The following NBAS variants were observed in gnomAD, a reference collection of about 807,000 sequenced individuals.
NBAS encodes the protein NBAS subunit of NRZ tethering complex.
In NBAS, 219 loss-of-function variants were observed where a neutral mutation model predicts 302.5. That is an observed-to-expected ratio of 0.72 (90% CI 0.65 to 0.81). The LOEUF (loss-of-function observed/expected upper bound fraction) is 0.81, where lower values mean the gene tolerates loss of function less well. NBAS is among the 30% of genes least tolerant of loss of function. The pLI, the probability that NBAS is intolerant of heterozygous loss-of-function variation, is 0.00. For synonymous variants in NBAS, 1,118 were observed against 1,021.6 expected (o/e 1.09, Z -1.80); for missense variants, 2,932 against 2,841.6 (o/e 1.03, Z -0.72).
At chr2:14,866,218 A>T in the NBAS span, among the ~76,000 whole-genome samples, 2 of 152,188 alleles carry the variant, frequency 1.3e-5, no homozygotes, top group Admixed American at 1.3e-4. Context: ...CAGTCAGCTT[A>T]ACAGTGCAGG....
chr2:15,442,385 C>G (rs1678473164), intron 21 of NBAS, among the ~76,000 whole-genome samples: 1 of 150,982 alleles, frequency 6.6e-6, no homozygotes, highest in African/African-American at 2.4e-5. Flanking sequence ...AACTGAACAA[C>G]CTGCTCCTGA....
At chr2:14,911,028 C>G in the NBAS span, among the ~76,000 whole-genome samples, 1 of 152,204 alleles carries the variant, frequency 6.6e-6, no homozygotes, top group Non-Finnish European at 1.5e-5. Flanking sequence ...GCAAAATCAA[C>G]TTCTCTTTCC....
intron 44 of NBAS, among the ~76,000 whole-genome samples, chr2:15,242,919 A>AT (rs1667929015): frequency 6.6e-6 from 1 of 152,296 alleles, no homozygotes; most frequent in African/African-American, 2.4e-5. Context: ...AAAAAATGAG[A>AT]TAAAAACATG....
chr2:15,394,444 TAA>T, intron 27 of NBAS, 95 bp from the exon 28 acceptor site: 1 of 1,327,386 alleles, frequency 7.5e-7, no homozygotes. Context: ...TGTTTAGTAT[TAA>T]AAAAAAATTA....
At chr2:14,880,128 T>C in the NBAS span, among the ~76,000 whole-genome samples, 1 of 152,072 alleles carries the variant, frequency 6.6e-6, no homozygotes, top group African/African-American at 2.4e-5. Context: ...CATCTACCCC[T>C]CAAAAGAAAG....
the NBAS span, among the ~76,000 whole-genome samples, chr2:14,812,452 A>C: frequency 2.6e-5 from 4 of 152,216 alleles, no homozygotes; most frequent in Non-Finnish European, 5.9e-5. Context: ...ATCTCTGCTA[A>C]AACACCCTGT....
the NBAS span, among the ~76,000 whole-genome samples, chr2:15,085,756 C>A: frequency 6.6e-6 from 1 of 152,222 alleles, no homozygotes; most frequent in Non-Finnish European, 1.5e-5. Flanking sequence ...CTTCTCCCCA[C>A]TGTGGGCACC....
chr2:15,387,234 A>AT (rs1675347346), intron 28 of NBAS, among the ~76,000 whole-genome samples: 1 of 152,050 alleles, frequency 6.6e-6, no homozygotes, highest in East Asian at 1.9e-4. Flanking sequence ...TGCCTGGCTA[A>AT]TTTTTTGTAT....
rs371651566 is a variant in NBAS, at chr2:15,234,784, T to C, written c.5944-37A>G. On this transcript the variant is annotated intron_variant, in intron 45 of 51. Transcript: ENST00000281513. ...TGGTAATCAGCACTTAAGTATCAAA[T>C]AGAAATTAAATGTATCTACATGCAC... is the stretch of plus-strand genomic sequence containing the variant. 31 of 1,596,112 alleles carry C rather than the reference T, an allele frequency of 1.9e-5. No homozygotes were observed. In the African/African-American group the frequency reaches 3.8e-4, roughly 19 times the overall value.
At chr2:15,133,710 G>A in the NBAS span, among the ~76,000 whole-genome samples, 3 of 152,162 alleles carry the variant, frequency 2.0e-5, no homozygotes, top group Non-Finnish European at 2.9e-5. Context: ...AATGTGGCTA[G>A]TAGGTCCCCA....
At chr2:15,499,825 G>A (rs770143464) in intron 11 of NBAS, among the ~76,000 whole-genome samples, 10 of 152,050 alleles carry the variant, frequency 6.6e-5, no homozygotes, top group Non-Finnish European at 1.0e-4. Context: ...ATTTTAAAAC[G>A]TTTTGAGAAG....
At chr2:14,886,458 A>G in the NBAS span, among the ~76,000 whole-genome samples, 1 of 152,102 alleles carries the variant, frequency 6.6e-6, no homozygotes, top group East Asian at 1.9e-4. Flanking sequence ...ATATCTCTCT[A>G]TCAGAGCCTT....
chr2:14,976,115 G>A, the NBAS span, among the ~76,000 whole-genome samples: 1 of 152,240 alleles, frequency 6.6e-6, no homozygotes, highest in African/African-American at 2.4e-5. Flanking sequence ...GGGGGCAGAT[G>A]TAGAGCTAAG....
chr2:14,966,181 A>G, the NBAS span, among the ~76,000 whole-genome samples: 4 of 152,320 alleles, frequency 2.6e-5, no homozygotes, highest in Non-Finnish European at 5.9e-5. Flanking sequence ...ATCTTGTCAG[A>G]CTTGAAAACT....
At chr2:15,119,067 G>T in the NBAS span, among the ~76,000 whole-genome samples, 1 of 152,084 alleles carries the variant, frequency 6.6e-6, no homozygotes, top group African/African-American at 2.4e-5. Flanking sequence ...ACAAGGGGAG[G>T]AAGGGTGAGA....
At chr2:15,404,326 G>A (rs1434128714) in intron 25 of NBAS, among the ~76,000 whole-genome samples, 1 of 151,692 alleles carries the variant, frequency 6.6e-6, no homozygotes, top group Non-Finnish European at 1.5e-5. Flanking sequence ...GAGAAGATAT[G>A]GCAATAAAAC....
At chr2:15,527,016 G>A (rs1167879050) in intron 9 of NBAS, among the ~76,000 whole-genome samples, 8 of 151,042 alleles carry the variant, frequency 5.3e-5, no homozygotes, top group Admixed American at 5.3e-4. Context: ...CAAGAGAGTG[G>A]AGTAGTCAGT....
At chr2:15,448,573 T>C (rs1678861063) in intron 21 of NBAS, among the ~76,000 whole-genome samples, 1 of 152,236 alleles carries the variant, frequency 6.6e-6, no homozygotes, top group South Asian at 2.1e-4. Flanking sequence ...ACATTAAGTA[T>C]GTCAGCACCA....
the NBAS span, among the ~76,000 whole-genome samples, chr2:15,112,235 T>C: frequency 5.4e-5 from 8 of 148,882 alleles, no homozygotes; most frequent in Admixed American, 4.0e-4. Context: ...AATGAGAAAA[T>C]AGAACTCAGA....
Sources: gnomAD v4.1 joint callset for allele counts (sites outside exome capture counted in the v4.1 genomes callset) on GRCh38, gnomAD v4.1.1 for gene constraint, MANE v1.5 for transcripts, NCBI Gene and HGNC (gene_info 2026-07-23, HGNC 2026-07-21) for gene names.